The following SORCS1 variants were observed in gnomAD, a reference collection of about 807,000 sequenced individuals.
SORCS1 encodes the protein VPS10 domain-containing receptor SorCS1.
SORCS1 carries 60 observed loss-of-function variants against 146.1 expected under a neutral mutation model. The ratio of observed to expected loss-of-function variants is 0.41; its 90% CI spans 0.33 to 0.51. The LOEUF (loss-of-function observed/expected upper bound fraction) is 0.51, where lower values mean the gene tolerates loss of function less well. SORCS1 is among the 20% of genes least tolerant of loss of function. The pLI, the probability that SORCS1 is intolerant of heterozygous loss-of-function variation, is 0.21. For synonymous variants in SORCS1, 637 were observed against 584.0 expected, an observed-to-expected ratio of 1.09 and a Z score of -1.31; for missense variants, 1,352 against 1,487.6, an observed-to-expected ratio of 0.91 and a Z score of 1.50.
chr10:107,097,760 G>T (rs1964638892), intron 1 of SORCS1, among the ~76,000 whole-genome samples: 1 of 152,122 alleles, frequency 6.6e-6, no homozygotes, highest in South Asian at 2.1e-4. Context: ...GCTAGTGCCT[G>T]GGTGCTTTCT....
At chr10:106,800,615 G>A (rs1439581486) in intron 3 of SORCS1, among the ~76,000 whole-genome samples, 5 of 150,084 alleles carry the variant, frequency 3.3e-5, no homozygotes, top group South Asian at 4.3e-4. Context: ...TCCACCTCCC[G>A]GGTTCATGCC....
chr10:106,829,740 G>C (rs1589495001), intron 2 of SORCS1, 67 bp from the exon 3 acceptor site: 7 of 1,200,244 alleles, frequency 5.8e-6, no homozygotes, highest in Non-Finnish European at 7.3e-6. Flanking sequence ...TCAGTATAAT[G>C]CATGCTTTAC....
At chr10:106,729,523 C>G (rs1856448058) in intron 6 of SORCS1, among the ~76,000 whole-genome samples, 1 of 151,332 alleles carries the variant, frequency 6.6e-6, no homozygotes, top group Non-Finnish European at 1.5e-5. Context: ...TGGTATCTGA[C>G]AAAATAAGGA....
In SORCS1 at chr10:106,960,751, C is replaced by G. The variant is rs1271485067; in HGVS notation, c.559-4171G>C. Among the ~76,000 whole-genome samples the G allele has an allele frequency of 6.6e-6, 1 of 152,144 alleles. No homozygotes were observed. The highest frequency in any genetic ancestry group is 1.5e-5 in the Non-Finnish European group (1 of 68,012). ...AGTGCCCACTCACCAAGCTGCTGTT[C>G]TCAAATCACCCATTCCTTGGAGGGT... On this transcript the variant is annotated intron_variant, in intron 1 of 25. Coordinates refer to ENST00000263054, the MANE Select transcript of SORCS1 (RefSeq NM_052918.5). This position sits in a 1 kb window ranked among gnomAD's most constrained non-coding sequence, Gnocchi z 4.4.
chr10:106,977,448 C>T (rs1269229783), intron 1 of SORCS1, among the ~76,000 whole-genome samples: 1 of 151,910 alleles, frequency 6.6e-6, no homozygotes, highest in South Asian at 2.1e-4. Flanking sequence ...TCAGATGGGT[C>T]GATTGCAAAA....
At chr10:107,008,553 G>T (rs889162752) in intron 1 of SORCS1, among the ~76,000 whole-genome samples, 1 of 152,324 alleles carries the variant, frequency 6.6e-6, no homozygotes, top group Admixed American at 6.5e-5. Context: ...TAAGTAGATT[G>T]ATGAATAGGT....
chr10:106,782,388 T>G (rs1427890829), intron 3 of SORCS1, among the ~76,000 whole-genome samples: 1 of 152,074 alleles, frequency 6.6e-6, no homozygotes, highest in Non-Finnish European at 1.5e-5. Context: ...CCCAAAACAC[T>G]CAGATTATAG....
intron 5 of SORCS1, among the ~76,000 whole-genome samples, chr10:106,731,842 G>T (rs1033042552): frequency 6.6e-6 from 1 of 152,010 alleles, no homozygotes; most frequent in Non-Finnish European, 1.5e-5. Flanking sequence ...AGTCAAATGT[G>T]AAATGAAAGA....
chr10:107,041,717 A>G (rs1030690987), intron 1 of SORCS1, among the ~76,000 whole-genome samples: 1 of 152,160 alleles, frequency 6.6e-6, no homozygotes, highest in African/African-American at 2.4e-5. Flanking sequence ...TGAGGAAGTG[A>G]GAACACAGAC....
rs540191271 is a variant in SORCS1 at position 107,038,506 on chromosome 10, A to G, written c.559-81926T>C. On this transcript the variant is annotated intron_variant, in intron 1 of 25. Coordinates refer to ENST00000263054, the MANE Select transcript of SORCS1 (RefSeq NM_052918.5). The stretch of plus-strand genomic sequence containing the variant: ...GTATACATATGTAACAAACCTGCAC[A>G]TTGTGCGCACGTACCCTAAAACTTA... Among the ~76,000 whole-genome samples the G allele has an allele frequency of 3.5e-3, 526 of 152,240 alleles. 4 individuals are homozygous for G. The highest frequency in any genetic ancestry group is 0.012 in the African/African-American group (509 of 41,550).
At chr10:106,901,284 A>G (rs1319592879) in intron 2 of SORCS1, among the ~76,000 whole-genome samples, 1 of 152,208 alleles carries the variant, frequency 6.6e-6, no homozygotes, top group East Asian at 1.9e-4. Context: ...ACATTTCTAT[A>G]GTTTTTTTTA....
At chr10:106,617,452 ACTAT>A (rs147113562) in intron 21 of SORCS1, among the ~76,000 whole-genome samples, 37 of 152,342 alleles carry the variant, frequency 2.4e-4, no homozygotes, top group African/African-American at 8.9e-4. Flanking sequence ...TATCCATATG[ACTAT>A]CTTTCTATGC....
At chr10:106,829,778 T>C (rs1213370426) in intron 2 of SORCS1, 105 bp from the exon 3 acceptor site, 1 of 717,066 alleles carries the variant, frequency 1.4e-6, no homozygotes, top group African/African-American at 1.7e-5. Flanking sequence ...AGGAGGTTTC[T>C]CAATGATTCA....
Position 106,692,971 on chromosome 10 carries a change from A to C in SORCS1, c.1414-4633T>G, listed in dbSNP as rs145724137. Among the ~76,000 whole-genome samples, 207 of 152,186 alleles carry C rather than the reference A, an allele frequency of 1.4e-3. 1 individual carries two copies. Among genetic ancestry groups the C allele is most frequent in the African/African-American group, 4.8e-3 (199 of 41,550 alleles). ...ATGTACCAATAAAAAATAAAAAATAAATTTCTAGAATACAAAAAAACTGTT... is the reference window on the plus strand; with the variant it reads ...ATGTACCAATAAAAAATAAAAAATACATTTCTAGAATACAAAAAAACTGTT... On this transcript the variant is annotated intron_variant, in intron 9 of 25. Transcript: ENST00000263054.
chr10:106,760,232 C>A (rs1589819359), intron 5 of SORCS1, among the ~76,000 whole-genome samples: 2 of 151,862 alleles, frequency 1.3e-5, no homozygotes, highest in South Asian at 4.2e-4. Context: ...ATCTTGAGGT[C>A]ATTAGATCGA....
At chr10:106,676,981 T>C (rs893001158) in intron 13 of SORCS1, among the ~76,000 whole-genome samples, 1 of 152,112 alleles carries the variant, frequency 6.6e-6, no homozygotes, top group African/African-American at 2.4e-5. Flanking sequence ...CCTCCTCTTC[T>C]TTACCCTTCC....
At chr10:106,805,100 AG>A (rs1258834411) in intron 3 of SORCS1, among the ~76,000 whole-genome samples, 3 of 152,164 alleles carry the variant, frequency 2.0e-5, no homozygotes, top group Admixed American at 6.5e-5. Context: ...GGCCTTCCAA[AG>A]GACTTGAAAA....
At chr10:106,618,352 A>G in intron 20 of SORCS1, 80 bp from the exon 21 acceptor site, 3 of 1,554,606 alleles carry the variant, frequency 1.9e-6, no homozygotes, top group Non-Finnish European at 2.6e-6. Context: ...AGCCAACAAT[A>G]GGCTGTCTAA....
chr10:106,978,015 C>A (rs775616379), intron 1 of SORCS1, among the ~76,000 whole-genome samples: 1 of 152,204 alleles, frequency 6.6e-6, no homozygotes, highest in Non-Finnish European at 1.5e-5. Context: ...ACGATCTCGG[C>A]TCACTACAAC....
Sources: allele counts gnomAD v4.1 joint callset (sites outside exome capture counted in the v4.1 genomes callset), GRCh38; gene constraint gnomAD v4.1.1; non-coding constraint Gnocchi (gnomAD v3.1); transcripts MANE v1.5; gene names NCBI Gene and HGNC (gene_info 2026-07-23, HGNC 2026-07-21).